Variants in COX18 observed in about 807,000 individuals in gnomAD.
COX18 encodes cytochrome c oxidase assembly factor COX18, also known as cytochrome c oxidase assembly protein COX18, mitochondrial.
COX18 carries 45 observed loss-of-function variants against 38.0 expected under a neutral mutation model. The ratio of observed to expected loss-of-function variants is 1.18; its 90% CI spans 0.93 to 1.52. The LOEUF (loss-of-function observed/expected upper bound fraction) is 1.52. Ranked by LOEUF, COX18 falls within the 40% of genes most tolerant of loss-of-function variation. The pLI is 0.00. For missense variants in COX18, 462 were observed against 423.8 expected (o/e 1.09, Z -0.79); for synonymous variants, 177 against 169.8 (o/e 1.04, Z -0.33).
In COX18 at chr4:73,056,646, G is replaced by C. The variant is rs1719897085; in HGVS notation, c.*1468C>G. 6.6e-6 allele frequency: 1 copy of C among 151,894 alleles called. No homozygotes were observed. The highest frequency in any genetic ancestry group is 1.5e-5 in the Non-Finnish European group (1 of 67,980). 9.4% of individuals were successfully genotyped at this position (151,894 alleles called of 1,614,324 possible). The stretch of plus-strand genomic sequence containing the variant: ...TTTTTTCAACCACGCATTAACTCAA[G>C]ATCAATGTATGTTCCATTAGAATAA... On this transcript the variant is annotated 3_prime_UTR_variant, in exon 6 of 6. Transcript: ENST00000507544.
Position 73,064,952 on chromosome 4 carries a change from A to G in COX18, c.599-50T>C, listed in dbSNP as rs756333884. ...AATAGAAGTCCTAAAAATAGCAGAGAAAAATATATAAGACATAAATAAGTA... is the reference window on the plus strand; with the variant it reads ...AATAGAAGTCCTAAAAATAGCAGAGGAAAATATATAAGACATAAATAAGTA... On this transcript the variant is annotated intron_variant, in intron 3 of 5. Coordinates refer to ENST00000507544, the MANE Select transcript of COX18 (RefSeq NM_001297732.2). 10 of 1,558,466 alleles carry G rather than the reference A, an allele frequency of 6.4e-6. No individual in the cohort carries two copies. The African/African-American group carries it at 1.1e-4, about 17-fold the overall frequency.
At position 73,069,456 on chromosome 4, in the gene COX18, C is replaced by T. The variant is rs1720651149; in HGVS notation, c.194G>A (p.Arg65Gln). 1.9e-6 allele frequency: 3 copies of T among 1,588,762 alleles called. No homozygotes were observed. The East Asian group carries it at 6.9e-5, about 37-fold the overall frequency. ...GCCGAGCAGTACTTCCTCCGCAACC[C>T]GCACCGGCGAAGACGCGGCCAGGGC... Reference protein sequence around the residue: ...YEALAASSPVRVAEEVLLGVH... With the variant: ...YEALAASSPVQVAEEVLLGVH... Residue 65 changes from arginine to glutamine, a missense_variant, in exon 1 of 6, where the codon CGG becomes CAG. By Grantham distance (43) the Arg-to-Gln change is conservative. Coordinates refer to ENST00000507544, the MANE Select transcript of COX18 (RefSeq NM_001297732.2).
chr4:73,059,506 A>G, intron 5 of COX18, among the ~76,000 whole-genome samples: 1 of 152,210 alleles, frequency 6.6e-6, no homozygotes, highest in East Asian at 1.9e-4. Flanking sequence ...GGCAGAAAGC[A>G]GCACATCCTC....
At chr4:73,069,252 A>C in intron 1 of COX18, 65 bp downstream of exon 1, 1 of 1,217,866 alleles carries the variant, frequency 8.2e-7, no homozygotes, top group South Asian at 1.6e-5. Flanking sequence ...CCCTGAGTGA[A>C]TGTCGGCCTT....
At chr4:73,061,154 A>C (rs1263700683) in intron 5 of COX18, among the ~76,000 whole-genome samples, 1 of 152,204 alleles carries the variant, frequency 6.6e-6, no homozygotes, top group African/African-American at 2.4e-5. Flanking sequence ...TTGTTATGAG[A>C]TTAAATAATA....
intron 5 of COX18, 83 bp downstream of exon 5, chr4:73,061,730 A>AT: frequency 1.5e-6 from 1 of 678,470 alleles, no homozygotes; most frequent in Non-Finnish European, 2.4e-6. Context: ...AAAAAAAAAA[A>AT]GAAGAGGCAG....
chr4:73,069,382 T>G lies in COX18; in HGVS notation c.268A>C (p.Thr90Pro). Residue 90 changes from threonine (T) to proline (P), a missense_variant, in exon 1 of 6, where the codon ACC becomes CCC. Coordinates refer to ENST00000507544, the MANE Select transcript of COX18 (RefSeq NM_001297732.2). ...GTGACAGCACCCCGTAAGGCCACGG[T>G]GGAGAGCAGAATGCTGCCCCACCAG... ...LPWWGSILLS[T>P]VALRGAVTLP... The G allele has an allele frequency of 6.4e-7, 1 of 1,561,518 alleles. No individual in the cohort carries two copies. Among genetic ancestry groups the G allele is most frequent in the South Asian group, 1.2e-5 (1 of 85,104 alleles).
intron 4 of COX18, among the ~76,000 whole-genome samples, chr4:73,064,180 G>T (rs1720314780): frequency 6.6e-6 from 1 of 151,836 alleles, no homozygotes; most frequent in Admixed American, 6.6e-5. Context: ...AGCTACTCAG[G>T]AGGCAGAGGT....
chr4:73,062,433 C>CA (rs1170601085), intron 4 of COX18, among the ~76,000 whole-genome samples: 12 of 151,476 alleles, frequency 7.9e-5, no homozygotes, highest in Non-Finnish European at 1.6e-4. Context: ...CACTTTGTAC[C>CA]AAAAAACAAG....
rs1182764542 is a variant in COX18 at position 73,055,080 on chromosome 4, TACTC to T, written c.*3030_*3033del. The T allele has an allele frequency of 3.9e-5, 6 of 152,236 alleles. No individual in the cohort carries two copies. The highest frequency in any genetic ancestry group is 2.0e-4 in the Admixed American group (3 of 15,284). The allele number at this position is 152,236 out of a possible 1,614,324, so 9.4% of individuals were successfully genotyped here. ...CCATTATGAGAAAAATATCTGAGTG[TACTC>T]ACTCAGTAACACACACGGCAAAGGC... On this transcript the variant is annotated 3_prime_UTR_variant, in exon 6 of 6. Coordinates refer to ENST00000507544, the MANE Select transcript of COX18 (RefSeq NM_001297732.2).
chr4:73,062,549 A>C (rs1720225440), intron 4 of COX18, among the ~76,000 whole-genome samples: 1 of 152,058 alleles, frequency 6.6e-6, no homozygotes, highest in Non-Finnish European at 1.5e-5. Flanking sequence ...TCCACTTAAG[A>C]ATTCTGCGTA....
At position 73,065,245 on chromosome 4, in the gene COX18, A is replaced by G. The variant is rs776469979; in HGVS notation, c.598+5T>C. The stretch of plus-strand genomic sequence containing the variant: ...CTTCTTTGGGAGAAGACATACAATA[A>G]TTACCTTCTGAATGTGCTGCCCCCG... On this transcript the variant is annotated splice_donor_5th_base_variant and intron_variant, in intron 3 of 5. Coordinates refer to ENST00000507544, the MANE Select transcript of COX18 (RefSeq NM_001297732.2). 1.9e-6 allele frequency: 3 copies of G among 1,609,442 alleles called. No homozygotes were observed. The highest frequency in any genetic ancestry group is 1.7e-4 in the Middle Eastern group (1 of 6,038).
At position 73,058,089 on chromosome 4, in the gene COX18, T is replaced by C; in HGVS notation, c.*25A>G. The stretch of plus-strand genomic sequence containing the variant: ...TTTAGATGATAGTGACTCCTGCAAC[T>C]GTTTCAAAATTATTGGAAAATATGT... On this transcript the variant is annotated 3_prime_UTR_variant, in exon 6 of 6. Transcript: ENST00000507544. 1 of 1,495,998 alleles carries C rather than the reference T, an allele frequency of 6.7e-7. No homozygotes were observed. Among genetic ancestry groups the C allele is most frequent in the Non-Finnish European group, 9.2e-7 (1 of 1,089,604 alleles). The allele number at this position is 1,495,998 out of a possible 1,614,324, so 92.7% of individuals were successfully genotyped here. A position where few individuals can be genotyped will look rare whatever the true frequency, so the allele number is the denominator to read the frequency against.
At chr4:73,061,379 T>A (rs929860161) in intron 5 of COX18, among the ~76,000 whole-genome samples, 5 of 151,938 alleles carry the variant, frequency 3.3e-5, no homozygotes, top group Non-Finnish European at 4.4e-5. Context: ...ACTGATTTGG[T>A]AAGGGATCAA....
chr4:73,061,080 C>A (rs1162872438), intron 5 of COX18, among the ~76,000 whole-genome samples: 1 of 152,102 alleles, frequency 6.6e-6, no homozygotes, highest in Non-Finnish European at 1.5e-5. Context: ...ATAACCATTT[C>A]TTTTTCTATT....
Position 73,068,144 on chromosome 4 carries a change from G to T in COX18, c.334-15C>A. ...AAATTTTCCACCTAGCTAAAAAATAGGTTTTGTTATGAGCACATAAAGGAT... is the reference window on the plus strand; with the variant it reads ...AAATTTTCCACCTAGCTAAAAAATATGTTTTGTTATGAGCACATAAAGGAT... On this transcript the variant is annotated splice_polypyrimidine_tract_variant and intron_variant, in intron 1 of 5. Transcript: ENST00000507544. 3.2e-6 allele frequency: 5 copies of T among 1,557,952 alleles called. No individual in the cohort carries two copies. The highest frequency in any genetic ancestry group is 4.4e-6 in the Non-Finnish European group (5 of 1,137,560).
chr4:73,062,192 G>T (rs1330949898), intron 4 of COX18, among the ~76,000 whole-genome samples: 1 of 151,982 alleles, frequency 6.6e-6, no homozygotes, highest in Non-Finnish European at 1.5e-5. Context: ...AAGTAGCTGG[G>T]ATAATAGGCA....
At position 73,052,884 on chromosome 4, in the gene COX18, C is replaced by T. The variant is rs572712187; in HGVS notation, c.*5230G>A. The T allele has an allele frequency of 7.9e-5, 12 of 151,324 alleles. No individual in the cohort carries two copies. The East Asian group carries it at 2.1e-3, about 27-fold the overall frequency. 9.4% of individuals were successfully genotyped at this position (151,324 alleles called of 1,614,324 possible). On this transcript the variant is annotated 3_prime_UTR_variant, in exon 6 of 6. Transcript: ENST00000507544. ...AATTTTTTTTCTAGGGTCTGCATTC[C>T]TACTGCTTCTGGGACTTAAATCTGA... is the stretch of plus-strand genomic sequence containing the variant.
rs890620394 is a variant in COX18, at chr4:73,056,130, T to C, written c.*1984A>G. ...ATTGTAAAACATTGAGATGGAATGA[T>C]AGGGTTTCCCAGAATCAGGTCCATA... On this transcript the variant is annotated 3_prime_UTR_variant, in exon 6 of 6. Transcript: ENST00000507544. 3.9e-5 allele frequency: 6 copies of C among 152,230 alleles called. No homozygotes were observed. The highest frequency in any genetic ancestry group is 7.3e-5 in the Non-Finnish European group (5 of 68,036). The allele number at this position is 152,230 out of a possible 1,614,324, so 9.4% of individuals were successfully genotyped here.
Sources: gnomAD v4.1 joint callset for allele counts (sites outside exome capture counted in the v4.1 genomes callset) on GRCh38, gnomAD v4.1.1 for gene constraint, MANE v1.5 for transcripts, NCBI Gene and HGNC (gene_info 2026-07-23, HGNC 2026-07-21) for gene names.